Variants in VMP1 observed in about 807,000 individuals in gnomAD.
VMP1 encodes vacuole membrane protein 1, also known as ectopic P-granules autophagy protein 3 homolog.
Under a neutral mutation model 56.0 loss-of-function variants are expected in VMP1, and 11 were observed. The ratio of observed to expected loss-of-function variants is 0.20; its 90% CI spans 0.12 to 0.32. The LOEUF is 0.32. Ranked by LOEUF, VMP1 falls within the 10% of genes least tolerant of loss-of-function variation. The pLI, the probability that VMP1 is intolerant of heterozygous loss-of-function variation, is 1.00. For synonymous variants in VMP1, 149 were observed against 165.0 expected, an observed-to-expected ratio of 0.90 and a Z score of 0.74; for missense variants, 296 against 490.3, an observed-to-expected ratio of 0.60 and a Z score of 3.74.
intron 1 of VMP1, among the ~76,000 whole-genome samples, chr17:59,710,716 G>T (rs2033885070): frequency 6.6e-6 from 1 of 152,160 alleles, no homozygotes; most frequent in Non-Finnish European, 1.5e-5. Context: ...TATCTTTCTG[G>T]CAAGTGGAAA....
At chr17:59,827,708 T>C (rs889839840) in intron 10 of VMP1, among the ~76,000 whole-genome samples, 7 of 151,934 alleles carry the variant, frequency 4.6e-5, no homozygotes, top group Non-Finnish European at 1.0e-4. Context: ...ATCTTAGAAC[T>C]TTGGGAGGCT....
At chr17:59,785,595 A>C (rs2036979619) in intron 7 of VMP1, among the ~76,000 whole-genome samples, 1 of 151,808 alleles carries the variant, frequency 6.6e-6, no homozygotes, top group South Asian at 2.1e-4. Context: ...GAGGCTGAGG[A>C]ACGAGAATCG....
intron 1 of VMP1, among the ~76,000 whole-genome samples, chr17:59,719,841 TA>T (rs573533547): frequency 5.9e-5 from 9 of 151,874 alleles, no homozygotes; most frequent in African/African-American, 1.7e-4. Context: ...AGGAAACAAA[TA>T]AAAAAAACCC....
At chr17:59,784,348 G>A (rs1375224823) in intron 7 of VMP1, among the ~76,000 whole-genome samples, 1 of 151,824 alleles carries the variant, frequency 6.6e-6, no homozygotes, top group Non-Finnish European at 1.5e-5. Flanking sequence ...TACTTTTTCA[G>A]TTTTCTTACC....
At position 59,793,772 on chromosome 17, in the gene VMP1, G is replaced by A. The variant is rs537969865; in HGVS notation, c.715-15024G>A. ...CTCCTGAGTAGCTGAAATTACAGGC[G>A]AGCACCACCATGCCCGTTTAATTTT... On this transcript the variant is annotated intron_variant, in intron 7 of 11. Coordinates refer to ENST00000262291, the MANE Select transcript of VMP1 (RefSeq NM_030938.5). Among the ~76,000 whole-genome samples, 5 of 63,416 alleles carry A rather than the reference G, an allele frequency of 7.9e-5. No homozygotes were observed. The East Asian group carries it at 1.3e-3, about 17-fold the overall frequency. The allele number at this position is 63,416 out of a possible 152,430, so 41.6% of individuals were successfully genotyped here.
chr17:59,821,390 T>C (rs1220973184), intron 10 of VMP1, among the ~76,000 whole-genome samples: 1 of 152,200 alleles, frequency 6.6e-6, no homozygotes, highest in Non-Finnish European at 1.5e-5. Context: ...TATGCTAAAA[T>C]ATTCAAGACC....
rs1167334826 is a variant in VMP1, at chr17:59,841,215, C to T, written c.*1304C>T. ...TGTTTTTTTATCAAATCCTGCCTGACTGTCTGCTTGTTTTGCCTACCATCG... is the reference window on the plus strand; with the variant it reads ...TGTTTTTTTATCAAATCCTGCCTGATTGTCTGCTTGTTTTGCCTACCATCG... On this transcript the variant is annotated 3_prime_UTR_variant, in exon 12 of 12. Transcript: ENST00000262291. 4.5e-6 allele frequency: 2 copies of T among 448,118 alleles called. No homozygotes were observed. The highest frequency in any genetic ancestry group is 9.9e-6 in the Non-Finnish European group (2 of 202,818). 27.8% of individuals were successfully genotyped at this position (448,118 alleles called of 1,614,324 possible). A position where few individuals can be genotyped will look rare whatever the true frequency, so the allele number is the denominator to read the frequency against.
chr17:59,724,602 G>A (rs2143765921), intron 1 of VMP1, among the ~76,000 whole-genome samples: 1 of 152,194 alleles, frequency 6.6e-6, no homozygotes, highest in South Asian at 2.1e-4. Context: ...AATCCGGGAG[G>A]CAGAGGTTGC....
intron 11 of VMP1, 66 bp downstream of exon 11, chr17:59,838,463 C>G (rs185222973): frequency 1.3e-6 from 2 of 1,518,858 alleles, no homozygotes; most frequent in East Asian, 2.3e-5. Context: ...ATTCACAGCT[C>G]TCACTCACAT....
chr17:59,809,890 A>G (rs995827116), intron 8 of VMP1, among the ~76,000 whole-genome samples: 1 of 152,130 alleles, frequency 6.6e-6, no homozygotes, highest in Non-Finnish European at 1.5e-5. Flanking sequence ...TCATGTAGTG[A>G]TGACTTCAGA....
chr17:59,757,428 TTTTTCTAATCACTAAAAC>T (rs938706318), intron 5 of VMP1, among the ~76,000 whole-genome samples: 10 of 152,298 alleles, frequency 6.6e-5, no homozygotes, highest in South Asian at 2.1e-4. Context: ...TAGTTTGGTT[TTTTTCTAATCACTAAAAC>T]TTTTCTAATC....
intron 7 of VMP1, among the ~76,000 whole-genome samples, chr17:59,784,005 G>A (rs796263402): frequency 4.0e-5 from 6 of 151,804 alleles, no homozygotes; most frequent in African/African-American, 1.5e-4. Context: ...CCCAACCTAC[G>A]ACTACTTCTG....
At chr17:59,712,594 A>G (rs911909455) in intron 1 of VMP1, among the ~76,000 whole-genome samples, 2 of 152,208 alleles carry the variant, frequency 1.3e-5, no homozygotes, top group Non-Finnish European at 2.9e-5. Context: ...GGAAATAAGA[A>G]TTGTTAGGAA....
chr17:59,835,062 A>G (rs984602855), intron 10 of VMP1, among the ~76,000 whole-genome samples: 1 of 151,456 alleles, frequency 6.6e-6, no homozygotes, highest in African/African-American at 2.4e-5. Flanking sequence ...GGCTGGCCTA[A>G]TTTTTGTCTT....
intron 1 of VMP1, among the ~76,000 whole-genome samples, chr17:59,725,472 A>G (rs2034565382): frequency 6.6e-6 from 1 of 151,814 alleles, no homozygotes; most frequent in Non-Finnish European, 1.5e-5. Flanking sequence ...AAGCTTAACT[A>G]TTAAAACACT....
At chr17:59,815,285 A>G (rs1453255328) in intron 9 of VMP1, among the ~76,000 whole-genome samples, 1 of 151,972 alleles carries the variant, frequency 6.6e-6, no homozygotes, top group Non-Finnish European at 1.5e-5. Flanking sequence ...AAGAAGTAGT[A>G]TCCTTAGAGA....
intron 5 of VMP1, among the ~76,000 whole-genome samples, chr17:59,755,054 T>C (rs1391062542): frequency 6.9e-6 from 1 of 145,142 alleles, no homozygotes. Context: ...AACTGTATGA[T>C]CAAAAGTTGC....
In VMP1 at chr17:59,841,209, G is replaced by C; in HGVS notation, c.*1298G>C. On this transcript the variant is annotated 3_prime_UTR_variant, in exon 12 of 12. Coordinates refer to ENST00000262291, the MANE Select transcript of VMP1 (RefSeq NM_030938.5). The stretch of plus-strand genomic sequence containing the variant: ...TGTTTTTGTTTTTTTATCAAATCCT[G>C]CCTGACTGTCTGCTTGTTTTGCCTA... The C allele has an allele frequency of 6.7e-6, 3 of 445,128 alleles. No homozygotes were observed. The highest frequency in any genetic ancestry group is 1.5e-5 in the Non-Finnish European group (3 of 201,230). The allele number at this position is 445,128 out of a possible 1,614,324, so 27.6% of individuals were successfully genotyped here.
intron 1 of VMP1, among the ~76,000 whole-genome samples, chr17:59,725,551 C>CAAA (rs78026893): frequency 1.8e-5 from 2 of 112,474 alleles, no homozygotes; most frequent in Admixed American, 9.2e-5. Flanking sequence ...GTCAAAATGC[C>CAAA]AAAAAAAAAA....
Sources: gnomAD v4.1 joint callset for allele counts (sites outside exome capture counted in the v4.1 genomes callset) on GRCh38, gnomAD v4.1.1 for gene constraint, MANE v1.5 for transcripts, NCBI Gene and HGNC (gene_info 2026-07-23, HGNC 2026-07-21) for gene names.